Variants in TMC2 observed in about 807,000 individuals in gnomAD.
The protein encoded by TMC2 is transmembrane channel like 2, also known as transmembrane channel-like protein 2.
A neutral mutation model predicts 105.9 loss-of-function variants in TMC2; 102 were observed. The ratio of observed to expected loss-of-function variants is 0.96; its 90% confidence interval spans 0.82 to 1.14. TMC2 has a LOEUF of 1.14. Ranked by LOEUF, TMC2 falls within the 50% of genes most tolerant of loss-of-function variation. TMC2 has a pLI of 0.00. For synonymous variants in TMC2, 402 were observed against 422.8 expected, an observed-to-expected ratio of 0.95 and a Z score of 0.60; for missense variants, 1,093 against 1,134.3, an observed-to-expected ratio of 0.96 and a Z score of 0.52.
intron 5 of TMC2, 108 bp downstream of exon 5, chr20:2,572,377 C>T: frequency 1.2e-6 from 1 of 823,602 alleles, no homozygotes; most frequent in South Asian, 1.5e-5. Flanking sequence ...CCAGCTGCCC[C>T]CAGAATCCTG....
chr20:2,540,593 G>A (rs539032603), intron 2 of TMC2, among the ~76,000 whole-genome samples: 265 of 149,942 alleles, frequency 1.8e-3, no homozygotes, highest in Non-Finnish European at 2.7e-3. Context: ...CCTGGGAGGC[G>A]GAGGTTGCAG....
chr20:2,592,376 G>C lies in TMC2; in HGVS notation c.901G>C (p.Ala301Pro), dbSNP rs1168168255. 6.2e-7 allele frequency: 1 copy of C among 1,613,872 alleles called. No individual in the cohort carries two copies. Among genetic ancestry groups the C allele is most frequent in the Admixed American group, 1.7e-5 (1 of 60,026 alleles). Residue 301 changes from alanine to proline, a missense_variant, in exon 8 of 20, where the codon GCC becomes CCC. Physicochemically the swap from Ala to Pro is conservative, Grantham distance 27 (BLOSUM62 -1). Transcript: ENST00000358864. The surrounding 1 kb of genome is among the most constrained non-coding windows in gnomAD (Gnocchi z 4.9). ...KTVPRAEEEKAMDFSVLWDFE... is the reference protein window; with the variant it reads ...KTVPRAEEEKPMDFSVLWDFE... ...AGTGCCTCGGGCTGAGGAAGAAAAG[G>C]CCATGGATTTTTCTGTCCTTTGGGA...
Position 2,558,751 on chromosome 20 carries a change from G to C in TMC2, c.378G>C (p.Lys126Asn). ...AGGAGATTCCGAGGAGGGAGGAGAA[G>C]TCGAAGCGGCAGAAGAAACCCAGGT... ...REKEIPRREE[K>N]SKRQKKPRSS... Residue 126 changes from lysine (K) to asparagine (N), a missense_variant, in exon 3 of 20, where the codon AAG (lysine) becomes AAC (asparagine). Transcript: ENST00000358864. This position sits in a 1 kb window ranked among gnomAD's most constrained non-coding sequence, Gnocchi z 4.6. 1 of 1,560,324 alleles carries C rather than the reference G, an allele frequency of 6.4e-7. No homozygotes were observed. Among genetic ancestry groups the C allele is most frequent in the Non-Finnish European group, 8.7e-7 (1 of 1,155,076 alleles).
At chr20:2,628,658 G>A (rs189952015) in intron 17 of TMC2, among the ~76,000 whole-genome samples, 4 of 152,062 alleles carry the variant, frequency 2.6e-5, no homozygotes, top group Admixed American at 6.6e-5. Context: ...TCTCCTTCCC[G>A]CCACTTTGTG....
At chr20:2,595,097 T>A (rs1320326629) in intron 9 of TMC2, 130 bp downstream of exon 9, 1 of 1,046,700 alleles carries the variant, frequency 9.6e-7, no homozygotes, top group Non-Finnish European at 1.4e-6. Context: ...AGAAAGCATA[T>A]GCACATTATA....
At chr20:2,623,442 G>A (rs1190561926) in intron 16 of TMC2, among the ~76,000 whole-genome samples, 1 of 152,032 alleles carries the variant, frequency 6.6e-6, no homozygotes, top group African/African-American at 2.4e-5. Flanking sequence ...GAAAGGCTGA[G>A]GCAGGAGAAT....
Position 2,624,456 on chromosome 20 carries a change from T to C in TMC2, c.2306+60T>C. 3 of 1,565,820 alleles carry C rather than the reference T, an allele frequency of 1.9e-6. No individual in the cohort carries two copies. The Admixed American group carries it at 5.4e-5, about 28-fold the overall frequency. On this transcript the variant is annotated intron_variant, in intron 17 of 19. Transcript: ENST00000358864. ...GAAACTTCTCCTTGAATTTGAGACT[T>C]CCTTGGCAGGTCCTTTTCATCTTGC...
At chr20:2,609,111 A>G (rs751426807) in intron 11 of TMC2, among the ~76,000 whole-genome samples, 1 of 152,198 alleles carries the variant, frequency 6.6e-6, no homozygotes, top group Non-Finnish European at 1.5e-5. Context: ...AGTTTAAGAC[A>G]CACAGCTTAT....
rs866116324 is a variant in TMC2 at position 2,617,108 on chromosome 20, T to A, written c.1977T>A (p.Ile659=). 16 of 1,614,194 alleles carry A rather than the reference T, an allele frequency of 9.9e-6. No individual in the cohort carries two copies. The highest frequency in any genetic ancestry group is 1.4e-5 in the Non-Finnish European group (16 of 1,180,024). ...TCTATGCTCCAGGCCTGGTGGGCAT[T>A]AATGTGCTGCGCCTGCTGACCTCCA... ...GSFYAPGLVG[I]NVLRLLTSMY... is the part of the protein sequence containing the mutation. Residue 659 remains isoleucine, a synonymous_variant, in exon 16 of 20, where the codon ATT becomes ATA. Coordinates refer to ENST00000358864, the MANE Select transcript of TMC2 (RefSeq NM_080751.3).
At chr20:2,549,212 T>C (rs1415104231) in intron 2 of TMC2, among the ~76,000 whole-genome samples, 3 of 152,184 alleles carry the variant, frequency 2.0e-5, no homozygotes, top group African/African-American at 7.2e-5. Flanking sequence ...CTTACCACTA[T>C]CCTGGCTAAA....
intron 16 of TMC2, chr20:2,617,764 G>C (rs2086495736): frequency 5.9e-6 from 1 of 168,726 alleles, no homozygotes; most frequent in African/African-American, 2.4e-5. Flanking sequence ...AGGCTGGAGT[G>C]CAGTGGTGCC....
intron 8 of TMC2, 146 bp from the exon 9 acceptor site, chr20:2,594,679 G>A: frequency 2.6e-6 from 2 of 778,674 alleles, no homozygotes; most frequent in East Asian, 2.6e-5. Flanking sequence ...GAGGTGAAGG[G>A]AAGAACAAGA....
chr20:2,601,446 C>A (rs2086351133), intron 10 of TMC2, among the ~76,000 whole-genome samples: 1 of 152,232 alleles, frequency 6.6e-6, no homozygotes, highest in Non-Finnish European at 1.5e-5. Flanking sequence ...GACCTATAGA[C>A]TTAACATGAT....
chr20:2,627,998 T>C (rs555647976), intron 17 of TMC2, among the ~76,000 whole-genome samples: 2 of 152,198 alleles, frequency 1.3e-5, no homozygotes, highest in East Asian at 1.9e-4. Flanking sequence ...TGAAACCCCA[T>C]GTCTACTAAA....
chr20:2,588,318 A>G (rs2086244721), intron 7 of TMC2, among the ~76,000 whole-genome samples: 1 of 152,210 alleles, frequency 6.6e-6, no homozygotes, highest in African/African-American at 2.4e-5. Flanking sequence ...AATTCTGCCA[A>G]CAATAAGTGA....
intron 10 of TMC2, among the ~76,000 whole-genome samples, chr20:2,598,762 T>C (rs564419962): frequency 1.4e-3 from 211 of 152,220 alleles, no homozygotes; most frequent in Middle Eastern, 3.4e-3. Context: ...TTTTTTCATG[T>C]GAAGTGCTGC....
chr20:2,616,606 G>A lies in TMC2; in HGVS notation c.1940+402G>A, dbSNP rs181782776. ...AGAAAAGAAGGAAGAGAAGGTGGAAGGTAAATGAACTATGGAACTCCCTCT... is the reference window on the plus strand; with the variant it reads ...AGAAAAGAAGGAAGAGAAGGTGGAAAGTAAATGAACTATGGAACTCCCTCT... On this transcript the variant is annotated intron_variant, in intron 15 of 19. Transcript: ENST00000358864. The surrounding 1 kb of genome is among the most constrained non-coding windows in gnomAD (Gnocchi z 4.8). 2.8e-3 allele frequency among the ~76,000 whole-genome samples: 424 copies of A among 152,170 alleles called. 1 individual carries two copies. The highest frequency in any genetic ancestry group is 4.9e-3 in the Non-Finnish European group (334 of 68,000).
At chr20:2,598,393 A>AGTTTATTT (rs1236858411) in intron 10 of TMC2, among the ~76,000 whole-genome samples, 1 of 92,388 alleles carries the variant, frequency 1.1e-5, no homozygotes, top group Non-Finnish European at 2.2e-5. Flanking sequence ...CCTTGCCTCT[A>AGTTTATTT]CTTTATTTAT....
At chr20:2,586,788 T>C (rs572901321) in intron 7 of TMC2, among the ~76,000 whole-genome samples, 1 of 149,706 alleles carries the variant, frequency 6.7e-6, no homozygotes, top group East Asian at 1.9e-4. Context: ...GGAAGGGACA[T>C]TCAAATGACA....
Sources: allele counts gnomAD v4.1 joint callset (sites outside exome capture counted in the v4.1 genomes callset), GRCh38; gene constraint gnomAD v4.1.1; non-coding constraint Gnocchi (gnomAD v3.1); transcripts MANE v1.5; gene names NCBI Gene and HGNC (gene_info 2026-07-23, HGNC 2026-07-21).